Variants in DNAH8 observed in about 807,000 individuals in gnomAD.
DNAH8 encodes axonemal beta dynein heavy chain 8.
Under a neutral mutation model 562.1 loss-of-function variants are expected in DNAH8, and 382 were observed. The observed-to-expected ratio is 0.68, with a 90% CI of 0.63 to 0.74. DNAH8 has a LOEUF of 0.74. Among genes scored for constraint, DNAH8 ranks in the 30% least tolerant of loss-of-function variants. The probability of loss-of-function intolerance (pLI) is 0.00; values close to 1 mark genes in which losing one functional copy is unlikely to be tolerated. For missense variants in DNAH8, 5,203 were observed against 5,620.4 expected, an observed-to-expected ratio of 0.93 and a Z score of 2.37; for synonymous variants, 1,881 against 1,919.4, an observed-to-expected ratio of 0.98 and a Z score of 0.52.
At chr6:38,949,411 C>A (rs753540282) in intron 80 of DNAH8, 41 bp from the exon 81 acceptor site, 7 of 1,190,914 alleles carry the variant, frequency 5.9e-6, no homozygotes, top group Non-Finnish European at 7.5e-6. Flanking sequence ...ATTCCACTTA[C>A]ATATAGTTCT....
intron 62 of DNAH8, among the ~76,000 whole-genome samples, chr6:38,901,108 G>A (rs1175382948): frequency 1.3e-5 from 2 of 151,710 alleles, no homozygotes; most frequent in Non-Finnish European, 2.9e-5. Context: ...AATTCTATAT[G>A]TGTTTTGGAT....
intron 26 of DNAH8, among the ~76,000 whole-genome samples, chr6:38,816,243 C>T (rs953681538): frequency 6.6e-6 from 1 of 152,094 alleles, no homozygotes; most frequent in African/African-American, 2.4e-5. Flanking sequence ...TCACCCCCAT[C>T]CCCCACCAAC....
intron 22 of DNAH8, among the ~76,000 whole-genome samples, chr6:38,804,081 A>G (rs940819816): frequency 6.6e-6 from 1 of 152,230 alleles, no homozygotes. Flanking sequence ...AGGTGCCTGC[A>G]TTATTTAAAG....
Position 38,984,313 on chromosome 6 carries a change from T to G in DNAH8, c.13053+6T>G. 6.4e-7 allele frequency: 1 copy of G among 1,571,944 alleles called. No homozygotes were observed. The highest frequency in any genetic ancestry group is 8.8e-7 in the Non-Finnish European group (1 of 1,141,600). ...TACTTAATTGCTTTGCCAGAGTAAG[T>G]CAATTTAGAAAAATAAAGTTTGGAG... is the stretch of plus-strand genomic sequence containing the variant. On this transcript the variant is annotated splice_donor_region_variant and intron_variant, in intron 87 of 92. Coordinates refer to ENST00000327475, the MANE Select transcript of DNAH8 (RefSeq NM_001206927.2).
intron 89 of DNAH8, among the ~76,000 whole-genome samples, chr6:39,010,846 T>TATGC (rs1766167690): frequency 6.9e-6 from 1 of 143,950 alleles, no homozygotes; most frequent in Non-Finnish European, 1.5e-5. Context: ...TGTATGTATG[T>TATGC]ATGTATGTAT....
intron 57 of DNAH8, among the ~76,000 whole-genome samples, chr6:38,890,428 G>C (rs1733426978): frequency 6.6e-6 from 1 of 151,956 alleles, no homozygotes; most frequent in African/African-American, 2.4e-5. Context: ...TTTCTTGTAG[G>C]GTGCTGGGTG....
chr6:38,896,324 A>G, intron 60 of DNAH8, 99 bp downstream of exon 60: 2 of 1,017,448 alleles, frequency 2.0e-6, no homozygotes, highest in South Asian at 3.2e-5. Flanking sequence ...CTATAATTCC[A>G]GCACTTTGGG....
intron 32 of DNAH8, among the ~76,000 whole-genome samples, chr6:38,837,305 C>G (rs1419461931): frequency 6.6e-6 from 1 of 152,154 alleles, no homozygotes; most frequent in Non-Finnish European, 1.5e-5. Context: ...TATGCTGTAC[C>G]ACTTACACAG....
Position 38,840,431 on chromosome 6 carries a change from T to C in DNAH8, c.4467-1937T>C, listed in dbSNP as rs75348319. 0.01 allele frequency among the ~76,000 whole-genome samples: 1,565 copies of C among 152,338 alleles called. 90 individuals carry two copies. In the East Asian group the frequency reaches 0.15, roughly 14 times the overall value. On this transcript the variant is annotated intron_variant, in intron 33 of 92. Transcript: ENST00000327475. ...GTATCAAATACAACTTATGTAAATA[T>C]AAATAATGAAGGAACACTGTCACTT...
intron 88 of DNAH8, among the ~76,000 whole-genome samples, chr6:39,000,579 A>G (rs956745891): frequency 6.6e-6 from 1 of 152,200 alleles, no homozygotes; most frequent in African/African-American, 2.4e-5. Flanking sequence ...CACACTCCTT[A>G]TGAGAATTTA....
intron 67 of DNAH8, among the ~76,000 whole-genome samples, chr6:38,914,544 G>T (rs1267158209): frequency 6.6e-6 from 1 of 151,768 alleles, no homozygotes; most frequent in African/African-American, 2.4e-5. Context: ...TAGAGACGGG[G>T]TTTCACCATG....
At chr6:38,957,866 CAA>C (rs1209427701) in intron 82 of DNAH8, among the ~76,000 whole-genome samples, 9 of 75,886 alleles carry the variant, frequency 1.2e-4, no homozygotes, top group African/African-American at 3.8e-4. Flanking sequence ...ATGCCTACAC[CAA>C]AAAAAAAAAA....
At chr6:38,750,633 C>A in intron 9 of DNAH8, 44 bp downstream of exon 9, 1 of 1,226,154 alleles carries the variant, frequency 8.2e-7, no homozygotes, top group Non-Finnish European at 1.2e-6. Context: ...AGGGCAGTGG[C>A]TCGCATCTGT....
chr6:38,945,327 C>T (rs1761312155), intron 79 of DNAH8, 140 bp from the exon 80 acceptor site: 5 of 894,780 alleles, frequency 5.6e-6, no homozygotes, highest in Non-Finnish European at 6.7e-6. Flanking sequence ...AAAACCCTCA[C>T]ATTTTCTGTA....
At chr6:38,765,177 A>G (rs1014384640) in intron 11 of DNAH8, among the ~76,000 whole-genome samples, 4 of 152,204 alleles carry the variant, frequency 2.6e-5, no homozygotes, top group African/African-American at 9.6e-5. Flanking sequence ...TTTTCTTCCT[A>G]TTGAGTTGTT....
intron 15 of DNAH8, among the ~76,000 whole-genome samples, chr6:38,780,836 TTAAAA>T (rs1220327479): frequency 2.6e-5 from 4 of 152,004 alleles, no homozygotes; most frequent in Admixed American, 6.6e-5. Context: ...AACCCTGAAC[TTAAAA>T]TAAAAGTTAA....
chr6:38,997,962 TG>T (rs1293507605), intron 88 of DNAH8, among the ~76,000 whole-genome samples: 1 of 152,148 alleles, frequency 6.6e-6, no homozygotes, highest in African/African-American at 2.4e-5. Context: ...TTCACCATGT[TG>T]GCCAGGCTGG....
At chr6:38,732,429 G>C (rs1053240836) in intron 4 of DNAH8, among the ~76,000 whole-genome samples, 1 of 152,184 alleles carries the variant, frequency 6.6e-6, no homozygotes, top group Non-Finnish European at 1.5e-5. Flanking sequence ...GTAAATCCCT[G>C]TGGAGCCTCT....
In DNAH8 at chr6:38,937,999, C is replaced by T. The variant is rs199504359; in HGVS notation, c.11589C>T (p.Leu3863=). 32 of 1,613,746 alleles carry T rather than the reference C, an allele frequency of 2.0e-5. No homozygotes were observed. In the East Asian group the frequency reaches 6.2e-4, roughly 31 times the overall value. ...GCTCATTGGTAGATGACGAATCTCT[C>T]ATTGGTGTACTTCGAACTACCAAGC... ...TKGSLVDDES[L]IGVLRTTKQT... is the part of the protein sequence containing the mutation. Residue 3863 remains leucine (L), a synonymous_variant, in exon 78 of 93, where the codon CTC becomes CTT. Transcript: ENST00000327475.
Sources: allele counts gnomAD v4.1 joint callset (sites outside exome capture counted in the v4.1 genomes callset), GRCh38; gene constraint gnomAD v4.1.1; transcripts MANE v1.5; gene names NCBI Gene and HGNC (gene_info 2026-07-23, HGNC 2026-07-21).